TTC29: variants seen among roughly 807,000 people sequenced by gnomAD.
TTC29 encodes tetratricopeptide repeat protein 29.
A neutral mutation model predicts 58.1 loss-of-function variants in TTC29; 49 were observed. The ratio of observed to expected loss-of-function variants is 0.84; its 90% confidence interval spans 0.67 to 1.07. The LOEUF is 1.07. Ranked by LOEUF, TTC29 falls within the 50% of genes least tolerant of loss-of-function variation. The pLI is 0.00. For missense variants in TTC29, 582 were observed against 555.6 expected (o/e 1.05, Z -0.48); for synonymous variants, 209 against 196.8 (o/e 1.06, Z -0.52).
chr4:146,800,262 C>T (rs1750120248), intron 11 of TTC29, among the ~76,000 whole-genome samples: 1 of 152,180 alleles, frequency 6.6e-6, no homozygotes, highest in South Asian at 2.1e-4. Context: ...TCTATTTCAT[C>T]TAGAGACCTG....
intron 7 of TTC29, among the ~76,000 whole-genome samples, chr4:146,874,119 C>A (rs1290222051): frequency 6.6e-6 from 1 of 152,094 alleles, no homozygotes; most frequent in Non-Finnish European, 1.5e-5. Flanking sequence ...ATTTTTACTG[C>A]TTTAAGTGTG....
intron 6 of TTC29, among the ~76,000 whole-genome samples, chr4:146,892,941 G>C (rs896795418): frequency 3.3e-5 from 5 of 152,108 alleles, no homozygotes; most frequent in South Asian, 4.1e-4. Flanking sequence ...TTGCTTCAAA[G>C]AGAATAAAAT....
chr4:146,892,841 G>A (rs1380078147), intron 6 of TTC29, among the ~76,000 whole-genome samples: 1 of 152,154 alleles, frequency 6.6e-6, no homozygotes, highest in Admixed American at 6.5e-5. Flanking sequence ...CAAAGTCTCA[G>A]GATACAAAAT....
Position 146,820,234 on chromosome 4 carries a change from G to C in TTC29, c.992C>G (p.Thr331Arg), listed in dbSNP as rs200264302. Residue 331 changes from threonine (T) to arginine (R), a missense_variant, in exon 10 of 13, where the codon ACA (threonine) becomes AGA (arginine). Physicochemically the swap from Thr to Arg is moderately conservative, Grantham distance 71. Transcript: ENST00000325106. ...AKVLQSQGEM[T>R]EAIKYLKKFV... is the part of the protein sequence containing the mutation. ...TTTTTTCAAGTATTTAATTGCTTCT[G>C]TCATCTCTCCTTGGCTAGAATGAAT... 138 of 1,611,806 alleles carry C rather than the reference G, an allele frequency of 8.6e-5. 2 individuals are homozygous for C. In the East Asian group the frequency reaches 3.0e-3, roughly 35 times the overall value.
chr4:146,874,492 T>C (rs1470920356), intron 7 of TTC29, among the ~76,000 whole-genome samples: 1 of 152,120 alleles, frequency 6.6e-6, no homozygotes, highest in Non-Finnish European at 1.5e-5. Context: ...CCCCAGCGGA[T>C]TGTAATTTTG....
At chr4:146,754,059 CA>C (rs1262467881) in intron 11 of TTC29, among the ~76,000 whole-genome samples, 1 of 148,752 alleles carries the variant, frequency 6.7e-6, no homozygotes, top group African/African-American at 2.5e-5. Context: ...TATAATAATA[CA>C]AAAAAATAAA....
chr4:146,836,763 A>G (rs1241532802), intron 8 of TTC29, among the ~76,000 whole-genome samples: 1 of 152,154 alleles, frequency 6.6e-6, no homozygotes, highest in African/African-American at 2.4e-5. Context: ...ATCAGTGATC[A>G]TTAGAGAAAT....
At chr4:146,823,166 G>A (rs1038955147) in intron 9 of TTC29, among the ~76,000 whole-genome samples, 2 of 152,328 alleles carry the variant, frequency 1.3e-5, no homozygotes, top group Admixed American at 6.5e-5. Flanking sequence ...TTTTTGCCAT[G>A]ACGTCATTGC....
At chr4:146,771,747 A>G (rs537668435) in intron 11 of TTC29, among the ~76,000 whole-genome samples, 13 of 152,264 alleles carry the variant, frequency 8.5e-5, no homozygotes, top group African/African-American at 2.9e-4. Flanking sequence ...TTTACGTAGA[A>G]CAATTTATAT....
At chr4:146,758,820 C>T (rs965840133) in intron 11 of TTC29, among the ~76,000 whole-genome samples, 1 of 151,928 alleles carries the variant, frequency 6.6e-6, no homozygotes, top group African/African-American at 2.4e-5. Context: ...CCTATCAAGA[C>T]CTCTGGGATA....
chr4:146,797,832 T>TTACATATATATATATATA (rs1554015741), intron 11 of TTC29, among the ~76,000 whole-genome samples: 3 of 130,036 alleles, frequency 2.3e-5, no homozygotes, highest in African/African-American at 8.7e-5. Flanking sequence ...TTACTTTGTT[T>TTACATATATATATATATA]TATATATATA....
At chr4:146,847,988 T>C (rs1729283091) in intron 8 of TTC29, among the ~76,000 whole-genome samples, 1 of 152,206 alleles carries the variant, frequency 6.6e-6, no homozygotes, top group South Asian at 2.1e-4. Flanking sequence ...TGGATACCTT[T>C]TCCTCCCCTA....
chr4:146,879,196 G>A (rs958947156), intron 6 of TTC29, among the ~76,000 whole-genome samples: 2 of 152,060 alleles, frequency 1.3e-5, no homozygotes, highest in South Asian at 2.1e-4. Context: ...TCTAAAGGCT[G>A]GCCAGAATTT....
intron 2 of TTC29, chr4:146,944,068 GAGTA>G (rs1436407584): frequency 1.3e-5 from 2 of 152,326 alleles, no homozygotes; most frequent in African/African-American, 4.8e-5. Flanking sequence ...AGGTTCAGGT[GAGTA>G]AGAAAGAAGA....
intron 9 of TTC29, among the ~76,000 whole-genome samples, chr4:146,824,161 GGTATCCTT>G (rs1351552790): frequency 6.6e-6 from 1 of 152,182 alleles, no homozygotes; most frequent in African/African-American, 2.4e-5. Flanking sequence ...GGTGAAAGAA[GGTATCCTT>G]GTCTTGTGCC....
Position 146,803,563 on chromosome 4 carries a change from C to T in TTC29, c.1224G>A (p.Met408Ile), listed in dbSNP as rs376286640. The change falls in exon 11 of 13, where the codon ATG becomes ATA. Residue 408 changes from methionine to isoleucine, a missense_variant. Transcript: ENST00000325106. ...VHYGIAKAHQ[M>I]MLTVNNYIES... ...CTATATAGTTGTTCACTGTAAGCAT[C>T]ATCTGATGAGCTTTTGCTATTCCAT... 4.0e-5 allele frequency: 65 copies of T among 1,606,266 alleles called. No individual in the cohort carries two copies. Among genetic ancestry groups the T allele is most frequent in the Non-Finnish European group, 5.4e-5 (64 of 1,175,832 alleles).
In TTC29 at chr4:146,934,994, G is replaced by T. The variant is rs568298013; in HGVS notation, c.176+2600C>A. 2.0e-5 allele frequency among the ~76,000 whole-genome samples: 3 copies of T among 152,202 alleles called. No homozygotes were observed. In the East Asian group the frequency reaches 5.8e-4, roughly 29 times the overall value. ...TTGCTGTCTTGGGTAGATCAAAATG[G>T]GGTAGAACCTGGAAGGGGATAAGAT... is the stretch of plus-strand genomic sequence containing the variant. On this transcript the variant is annotated intron_variant, in intron 4 of 12. Transcript: ENST00000325106.
chr4:146,893,052 C>T (rs1201396364), intron 6 of TTC29, among the ~76,000 whole-genome samples: 1 of 152,188 alleles, frequency 6.6e-6, no homozygotes, highest in Non-Finnish European at 1.5e-5. Flanking sequence ...AATGGAAGAA[C>T]ATTCCATGCT....
At chr4:146,725,001 A>T (rs1728738295) in intron 11 of TTC29, among the ~76,000 whole-genome samples, 1 of 152,130 alleles carries the variant, frequency 6.6e-6, no homozygotes, top group Non-Finnish European at 1.5e-5. Context: ...TGGAGTATAT[A>T]TGGGCATAGA....
Sources: allele counts gnomAD v4.1 joint callset (sites outside exome capture counted in the v4.1 genomes callset), GRCh38; gene constraint gnomAD v4.1.1; transcripts MANE v1.5; gene names NCBI Gene and HGNC (gene_info 2026-07-23, HGNC 2026-07-21).